RPL35A: variants seen among roughly 807,000 people sequenced by gnomAD.
The protein encoded by RPL35A is ribosomal protein L35a.
Under a neutral mutation model 16.7 loss-of-function variants are expected in RPL35A, and 1 was observed. The ratio of observed to expected loss-of-function variants is 0.06; its 90% CI spans 0.02 to 0.28. RPL35A has a LOEUF of 0.28. Among genes scored for constraint, RPL35A ranks in the 10% least tolerant of loss-of-function variants. The pLI, the probability that RPL35A is intolerant of heterozygous loss-of-function variation, is 1.00. For synonymous variants in RPL35A, 58 were observed against 47.0 expected, an observed-to-expected ratio of 1.23 and a Z score of -0.96; for missense variants, 91 against 138.7, an observed-to-expected ratio of 0.66 and a Z score of 1.73.
chr3:197,956,038 C>CA lies in RPL35A; in HGVS notation c.*266dup. On this transcript the variant is annotated 3_prime_UTR_variant, in exon 5 of 5. Transcript: ENST00000647248. ...TGCTGGAGTGTAGTGGTGCTCGCTG[C>CA]AGCCTCACATTCAAAGGCTCAAGCA... 2.2e-6 allele frequency: 1 copy of CA among 453,962 alleles called. No individual in the cohort carries two copies. Among genetic ancestry groups the CA allele is most frequent in the Non-Finnish European group, 4.1e-6 (1 of 245,608 alleles). 28.1% of individuals were successfully genotyped at this position (453,962 alleles called of 1,614,324 possible).
chr3:197,954,068 C>T lies in RPL35A; in HGVS notation c.230C>T (p.Ala77Val). ...GTCATCTGGGGAAAAGTAACTCGGG[C>T]CCATGGAAACAGTGGCATGGTTCGT... ...TRVIWGKVTR[A>V]HGNSGMVRAK... The change falls in exon 4 of 5, where the codon GCC becomes GTC. Residue 77 changes from alanine (A) to valine (V), a missense_variant. By Grantham distance (64) the Ala-to-Val change is moderately conservative. Transcript: ENST00000647248. 1 of 1,614,054 alleles carries T rather than the reference C, an allele frequency of 6.2e-7. No homozygotes were observed.
intron 3 of RPL35A, among the ~76,000 whole-genome samples, chr3:197,953,016 G>A (rs901896942): frequency 7.3e-5 from 11 of 151,576 alleles, no homozygotes; most frequent in Non-Finnish European, 1.3e-4. Flanking sequence ...GGCCAGGCTG[G>A]TCTCGAACTC....
intron 3 of RPL35A, among the ~76,000 whole-genome samples, chr3:197,952,869 G>C (rs1321331616): frequency 1.3e-5 from 2 of 149,486 alleles, no homozygotes; most frequent in African/African-American, 2.5e-5. Flanking sequence ...GTGTTGCTCT[G>C]TTGCCCAGGC....
At chr3:197,953,844 C>G (rs998095353) in intron 3 of RPL35A, 159 bp from the exon 4 acceptor site, 85 of 716,502 alleles carry the variant, frequency 1.2e-4, no homozygotes, top group Non-Finnish European at 1.4e-4. Flanking sequence ...AATAGTTACT[C>G]GATAAGTATC....
At chr3:197,951,027 G>A in intron 2 of RPL35A, 49 bp downstream of exon 2, 1 of 1,603,686 alleles carries the variant, frequency 6.2e-7, no homozygotes, top group Non-Finnish European at 8.5e-7. Flanking sequence ...AGACGTGAAC[G>A]TAAATGCGAG....
At chr3:197,953,195 T>G (rs1054409428) in intron 3 of RPL35A, among the ~76,000 whole-genome samples, 1 of 152,222 alleles carries the variant, frequency 6.6e-6, no homozygotes, top group Non-Finnish European at 1.5e-5. Context: ...GCCCCACCTT[T>G]TCTTCTACAG....
chr3:197,953,594 C>A (rs1720297222), intron 3 of RPL35A: 1 of 458,118 alleles, frequency 2.2e-6, no homozygotes, highest in African/African-American at 2.0e-5. Flanking sequence ...TGGCATTTCC[C>A]CTCCCTTTCC....
chr3:197,953,316 C>T (rs1398100710), intron 3 of RPL35A, among the ~76,000 whole-genome samples: 1 of 152,164 alleles, frequency 6.6e-6, no homozygotes, highest in Non-Finnish European at 1.5e-5. Context: ...ATAGAGGCTG[C>T]AGTGAGCTAT....
intron 3 of RPL35A, chr3:197,953,593 C>T (rs752444753): frequency 2.0e-5 from 9 of 458,050 alleles, no homozygotes; most frequent in Non-Finnish European, 3.9e-5. Flanking sequence ...ATGGCATTTC[C>T]CCTCCCTTTC....
At chr3:197,952,441 T>G (rs754692614) in intron 3 of RPL35A, 3 of 152,238 alleles carry the variant, frequency 2.0e-5, no homozygotes, top group Non-Finnish European at 4.4e-5. Flanking sequence ...GTGCTGGGAT[T>G]ACAGGCAGGA....
chr3:197,950,498 G>A (rs1206295517), intron 1 of RPL35A: 13 of 341,214 alleles, frequency 3.8e-5, no homozygotes, highest in Non-Finnish European at 5.9e-5. Flanking sequence ...CCATGAGGCA[G>A]TGCTTCCTTC....
At chr3:197,952,419 C>G (rs1205077039) in intron 3 of RPL35A, 1 of 152,192 alleles carries the variant, frequency 6.6e-6, no homozygotes, top group Non-Finnish European at 1.5e-5. Context: ...CCACCCACCT[C>G]AGCCTCCCAA....
intron 4 of RPL35A, among the ~76,000 whole-genome samples, chr3:197,954,872 A>G (rs1452723488): frequency 2.0e-5 from 3 of 152,188 alleles, no homozygotes; most frequent in African/African-American, 7.2e-5. Context: ...GAAAGCAACA[A>G]TTCAACAGTT....
Position 197,956,124 on chromosome 3 carries a change from T to G in RPL35A, c.*351T>G. The G allele has an allele frequency of 3.5e-6, 1 of 283,138 alleles. No homozygotes were observed. The highest frequency in any genetic ancestry group is 3.8e-5 in the South Asian group (1 of 26,096). The allele number at this position is 283,138 out of a possible 1,614,324, so 17.5% of individuals were successfully genotyped here. ...GGCTCATGCCACCATCCCTGGGTCA[T>G]TTTTAAATTTTTTGTAGAGAGGGTC... On this transcript the variant is annotated 3_prime_UTR_variant, in exon 5 of 5. Transcript: ENST00000647248.
chr3:197,953,868 G>C, intron 3 of RPL35A, 135 bp from the exon 4 acceptor site: 1 of 786,316 alleles, frequency 1.3e-6, no homozygotes. Context: ...TGAATGAATG[G>C]TGTTCTAGGC....
In RPL35A at chr3:197,956,283, A is replaced by G. The variant is rs536981691; in HGVS notation, c.*510A>G. ...CTTTGTGATACTATGCATTTGTTCAATGCAGATTGGGAAACTTAAAATTTG... is the reference window on the plus strand; with the variant it reads ...CTTTGTGATACTATGCATTTGTTCAGTGCAGATTGGGAAACTTAAAATTTG... On this transcript the variant is annotated 3_prime_UTR_variant, in exon 5 of 5. Transcript: ENST00000647248. 36 of 163,342 alleles carry G rather than the reference A, an allele frequency of 2.2e-4. No individual in the cohort carries two copies. In the East Asian group the frequency reaches 2.9e-3, roughly 13 times the overall value. The allele number at this position is 163,342 out of a possible 1,614,324, so 10.1% of individuals were successfully genotyped here.
In RPL35A at chr3:197,950,939, T is replaced by C. The variant is rs1482593969; in HGVS notation, c.-29T>C. 1.2e-6 allele frequency: 2 copies of C among 1,614,022 alleles called. No individual in the cohort carries two copies. The highest frequency in any genetic ancestry group is 2.2e-5 in the East Asian group (1 of 44,902). On this transcript the variant is annotated 5_prime_UTR_variant, in exon 2 of 5. Transcript: ENST00000647248. ...TAATCTTTTTGTTTGTTTTAAGGCCTGCTGGGAACGGGACTTCTAAAAGGA... is the reference window on the plus strand; with the variant it reads ...TAATCTTTTTGTTTGTTTTAAGGCCCGCTGGGAACGGGACTTCTAAAAGGA...
At chr3:197,955,658 A>G in intron 4 of RPL35A, 92 bp from the exon 5 acceptor site, 2 of 1,115,716 alleles carry the variant, frequency 1.8e-6, no homozygotes, top group Non-Finnish European at 2.8e-6. Flanking sequence ...TGTAATTGGT[A>G]GCCTTTCAGA....
intron 2 of RPL35A, 84 bp from the exon 3 acceptor site, chr3:197,951,075 G>A (rs1469839632): frequency 2.5e-6 from 4 of 1,603,314 alleles, no homozygotes; most frequent in Non-Finnish European, 3.4e-6. Context: ...TGTTTGCTCT[G>A]AGTAACTTTT....
Sources: allele counts gnomAD v4.1 joint callset (sites outside exome capture counted in the v4.1 genomes callset), GRCh38; gene constraint gnomAD v4.1.1; transcripts MANE v1.5; gene names NCBI Gene and HGNC (gene_info 2026-07-23, HGNC 2026-07-21).